The following C14orf93 variants were observed in gnomAD, a reference collection of about 807,000 sequenced individuals.
C14orf93 encodes chromosome 14 open reading frame 93.
In C14orf93, 23 loss-of-function variants were observed where a neutral mutation model predicts 44.0. The ratio of observed to expected loss-of-function variants is 0.52; its 90% CI spans 0.38 to 0.74. The LOEUF is 0.74. Ranked by LOEUF, C14orf93 falls within the 30% of genes least tolerant of loss-of-function variation. The probability of loss-of-function intolerance (pLI) is 0.00; values close to 1 mark genes in which losing one functional copy is unlikely to be tolerated. For missense variants in C14orf93, 579 were observed against 678.9 expected (o/e 0.85, Z 1.64); for synonymous variants, 253 against 265.7 (o/e 0.95, Z 0.46).
rs935447932 is a variant in C14orf93, at chr14:22,985,988, T to G, written c.*1227A>C. ...TTCTCACTGCCCTTGGGTTGAAGTC[T>G]GTACTCTGTATTATGAGGTCTGTCT... is the stretch of plus-strand genomic sequence containing the variant. On this transcript the variant is annotated 3_prime_UTR_variant, in exon 7 of 7. Transcript: ENST00000299088. 6.6e-6 allele frequency: 1 copy of G among 152,238 alleles called. No homozygotes were observed. The highest frequency in any genetic ancestry group is 1.5e-5 in the Non-Finnish European group (1 of 68,044). 9.4% of individuals were successfully genotyped at this position (152,238 alleles called of 1,614,324 possible). A position where few individuals can be genotyped will look rare whatever the true frequency, so the allele number is the denominator to read the frequency against.
intron 3 of C14orf93, among the ~76,000 whole-genome samples, chr14:22,995,679 CAAA>C (rs58710730): frequency 0.013 from 563 of 44,972 alleles, 4 homozygotes; most frequent in African/African-American, 0.039. Flanking sequence ...GACTCTGACT[CAAA>C]AAAAAAAAAA....
At chr14:22,994,154 A>C (rs570740159) in intron 3 of C14orf93, 1 of 152,356 alleles carries the variant, frequency 6.6e-6, no homozygotes, top group East Asian at 1.9e-4. Context: ...AGTGATGGAA[A>C]ATCCTGCTTT....
Position 22,998,880 on chromosome 14 carries a change from CA to C in C14orf93, c.143del (p.Val48GlyfsTer43). ...TCTGAACAGCCAAGCCATGTCCAGT[CA>C]CTGTGATGGGGGTGCTGGGAGGAGG... The part of the protein sequence containing the change: ...GNPPPSTPIT[V>X]TGHGLAVQSS... On this transcript the variant is annotated frameshift_variant, in exon 2 of 7. Coordinates refer to ENST00000299088, the MANE Select transcript of C14orf93 (RefSeq NM_021944.4). LOFTEE classifies it high-confidence loss of function. 6.2e-7 allele frequency: 1 copy of C among 1,613,904 alleles called. No homozygotes were observed. The highest frequency in any genetic ancestry group is 8.5e-7 in the Non-Finnish European group (1 of 1,179,978).
At position 22,987,635 on chromosome 14, in the gene C14orf93, C is replaced by G. The variant is rs1420779924; in HGVS notation, c.1198-1G>C. 2.5e-6 allele frequency: 4 copies of G among 1,580,670 alleles called. No homozygotes were observed. Among genetic ancestry groups the G allele is most frequent in the Non-Finnish European group, 3.4e-6 (4 of 1,163,528 alleles). On this transcript the variant is annotated splice_acceptor_variant, in intron 6 of 6. Coordinates refer to ENST00000299088, the MANE Select transcript of C14orf93 (RefSeq NM_021944.4). LOFTEE classifies it high-confidence loss of function. The surrounding 1 kb of genome is among the most constrained non-coding windows in gnomAD (Gnocchi z 5.6). ...TGATACTGGATCGGTTGGCAAAAAGCTAAGGCAGGAACCCAGGAGATAGAT... is the reference window on the plus strand; with the variant it reads ...TGATACTGGATCGGTTGGCAAAAAGGTAAGGCAGGAACCCAGGAGATAGAT...
chr14:23,004,237 G>GTC (rs1391019774), intron 1 of C14orf93, among the ~76,000 whole-genome samples: 13 of 148,078 alleles, frequency 8.8e-5, no homozygotes, highest in Admixed American at 3.4e-4. Flanking sequence ...TTGATACAGA[G>GTC]TCTCACTCTG....
intron 1 of C14orf93, among the ~76,000 whole-genome samples, chr14:23,008,122 G>A (rs1330518480): frequency 1.4e-5 from 2 of 138,450 alleles, no homozygotes; most frequent in Non-Finnish European, 3.0e-5. Flanking sequence ...CATTGCCACT[G>A]CAGCCTGGGC....
intron 5 of C14orf93, among the ~76,000 whole-genome samples, chr14:22,988,600 C>A (rs2045388206): frequency 6.6e-6 from 1 of 152,010 alleles, no homozygotes; most frequent in Admixed American, 6.5e-5. Context: ...AACTCCTGGG[C>A]TTAAGTGATC....
At chr14:22,991,666 G>A (rs1351693296) in intron 3 of C14orf93, among the ~76,000 whole-genome samples, 2 of 149,744 alleles carry the variant, frequency 1.3e-5, no homozygotes, top group African/African-American at 4.9e-5. Context: ...CACCTCCCGG[G>A]TTCAAGCAAT....
intron 1 of C14orf93, chr14:23,004,931 A>G (rs1425099881): frequency 1.3e-5 from 2 of 152,238 alleles, no homozygotes. Context: ...AAATAAATAA[A>G]CAAACAAATA....
In C14orf93 at chr14:22,987,190, C is replaced by T; in HGVS notation, c.*25G>A. On this transcript the variant is annotated 3_prime_UTR_variant, in exon 7 of 7. Coordinates refer to ENST00000299088, the MANE Select transcript of C14orf93 (RefSeq NM_021944.4). This position sits in a 1 kb window ranked among gnomAD's most constrained non-coding sequence, Gnocchi z 5.6. ...TCTGAGACATGGGGCATGGCGGAAG[C>T]CAGAGTTATTCTTGGCTGTAGATTT... 6.3e-7 allele frequency: 1 copy of T among 1,581,688 alleles called. No homozygotes were observed. The highest frequency in any genetic ancestry group is 8.6e-7 in the Non-Finnish European group (1 of 1,161,074).
Position 22,987,623 on chromosome 14 carries a change from G to A in C14orf93, c.1209C>T (p.Asn403=). 6.3e-7 allele frequency: 1 copy of A among 1,588,812 alleles called. No individual in the cohort carries two copies. The highest frequency in any genetic ancestry group is 8.6e-7 in the Non-Finnish European group (1 of 1,167,376). The change falls in exon 7 of 7, where the codon AAC becomes AAT. Residue 403 remains asparagine (N), a synonymous_variant. Coordinates refer to ENST00000299088, the MANE Select transcript of C14orf93 (RefSeq NM_021944.4). The surrounding 1 kb of genome is among the most constrained non-coding windows in gnomAD (Gnocchi z 5.6). ...LRSRRYRLFA[N]RSSIMRHFGP... is the part of the protein sequence containing the mutation. ...CAAAATGCCTCATGATACTGGATCGGTTGGCAAAAAGCTAAGGCAGGAACC... is the reference window on the plus strand; with the variant it reads ...CAAAATGCCTCATGATACTGGATCGATTGGCAAAAAGCTAAGGCAGGAACC...
chr14:22,990,037 C>G, intron 4 of C14orf93, 29 bp downstream of exon 4: 1 of 1,591,972 alleles, frequency 6.3e-7, no homozygotes, highest in Non-Finnish European at 8.6e-7. Flanking sequence ...AAAGTACCTT[C>G]TAATTCTTTT....
At chr14:23,000,851 A>T (rs1430191763) in intron 1 of C14orf93, 2 of 152,142 alleles carry the variant, frequency 1.3e-5, no homozygotes, top group East Asian at 3.8e-4. Flanking sequence ...CTAAAACATA[A>T]ATCTGACAAT....
Position 22,999,044 on chromosome 14 carries a change from CCACGCTTA to C in C14orf93, c.-29_-22del. On this transcript the variant is annotated 5_prime_UTR_variant, in exon 2 of 7. An upstream open reading frame in the 5' UTR loses its in-frame stop. Coordinates refer to ENST00000299088, the MANE Select transcript of C14orf93 (RefSeq NM_021944.4). ...GACATGGCGGATGGGGCAGTAACAA[CCACGCTTA>C]CACTGCTGGGCCGCTCCAACAGGTA... 1 of 1,591,296 alleles carries C rather than the reference CCACGCTTA, an allele frequency of 6.3e-7. No homozygotes were observed. Among genetic ancestry groups the C allele is most frequent in the Non-Finnish European group, 8.5e-7 (1 of 1,171,980 alleles).
chr14:23,004,336 G>A (rs772381561), intron 1 of C14orf93, among the ~76,000 whole-genome samples: 16 of 151,192 alleles, frequency 1.1e-4, no homozygotes, highest in Non-Finnish European at 1.3e-4. Flanking sequence ...TCAGCCTCCC[G>A]AAGAGCTGGG....
chr14:23,001,756 C>A (rs1331781534), intron 1 of C14orf93, among the ~76,000 whole-genome samples: 1 of 148,794 alleles, frequency 6.7e-6, no homozygotes, highest in Non-Finnish European at 1.5e-5. Flanking sequence ...TGAGCCACTG[C>A]GCCCAGCTCC....
chr14:22,999,073 A>C lies in C14orf93; in HGVS notation c.-50T>G, dbSNP rs761076321. 1 of 1,541,366 alleles carries C rather than the reference A, an allele frequency of 6.5e-7. No individual in the cohort carries two copies. The highest frequency in any genetic ancestry group is 2.3e-5 in the East Asian group (1 of 44,258). On this transcript the variant is annotated 5_prime_UTR_variant, in exon 2 of 7. Transcript: ENST00000299088. ...GCTTACACTGCTGGGCCGCTCCAACAGGTAGGAAGCATCAACTTCTCTGGA... is the reference window on the plus strand; with the variant it reads ...GCTTACACTGCTGGGCCGCTCCAACCGGTAGGAAGCATCAACTTCTCTGGA...
Position 22,996,187 on chromosome 14 carries a change from T to G in C14orf93, c.679A>C (p.Thr227Pro). 2 of 1,613,322 alleles carry G rather than the reference T, an allele frequency of 1.2e-6. No individual in the cohort carries two copies. The highest frequency in any genetic ancestry group is 1.7e-6 in the Non-Finnish European group (2 of 1,179,476). Residue 227 changes from threonine (T) to proline (P), a missense_variant, in exon 3 of 7, where the codon ACA becomes CCA. Thr to Pro is a conservative substitution (Grantham distance 38). Coordinates refer to ENST00000299088, the MANE Select transcript of C14orf93 (RefSeq NM_021944.4). This position sits in a 1 kb window ranked among gnomAD's most constrained non-coding sequence, Gnocchi z 4.1. ...PAYAKQLSPA[T>P]QLAIQRATPE... ...GTTGCCCGCTGGATTGCCAGTTGTGTGGCTGGTGAGAGTTGCTTGGCATAA... is the reference window on the plus strand; with the variant it reads ...GTTGCCCGCTGGATTGCCAGTTGTGGGGCTGGTGAGAGTTGCTTGGCATAA...
intron 3 of C14orf93, among the ~76,000 whole-genome samples, chr14:22,992,414 T>C (rs1434957918): frequency 1.4e-5 from 2 of 145,362 alleles, no homozygotes; most frequent in African/African-American, 5.2e-5. Flanking sequence ...TGCAGTGAGC[T>C]GAGATCGTGC....
Sources: allele counts gnomAD v4.1 joint callset (sites outside exome capture counted in the v4.1 genomes callset), GRCh38; gene constraint gnomAD v4.1.1; non-coding constraint Gnocchi (gnomAD v3.1); transcripts MANE v1.5; gene names NCBI Gene and HGNC (gene_info 2026-07-23, HGNC 2026-07-21).